The following NDST3 variants were observed in gnomAD, a reference collection of about 807,000 sequenced individuals.
NDST3 encodes bifunctional heparan sulfate N-deacetylase/N-sulfotransferase 3.
NDST3 carries 58 observed loss-of-function variants against 96.1 expected under a neutral mutation model. That is an observed-to-expected ratio of 0.60 (90% CI 0.49 to 0.75). NDST3 has a LOEUF of 0.75. NDST3 is among the 30% of genes least tolerant of loss of function. The probability of loss-of-function intolerance (pLI) is 0.00; values close to 1 mark genes in which losing one functional copy is unlikely to be tolerated. For missense variants in NDST3, 788 were observed against 1,034.2 expected, an observed-to-expected ratio of 0.76 and a Z score of 3.27; for synonymous variants, 333 against 359.7, an observed-to-expected ratio of 0.93 and a Z score of 0.84.
rs958347023 is a variant in NDST3, at chr4:118,257,485, A to G, written c.*1773A>G. On this transcript the variant is annotated 3_prime_UTR_variant, in exon 14 of 14. Transcript: ENST00000296499. ...ACATATACATAAAATTTAAGTAGTA[A>G]ATTAATTCCCTGCTATGATTATAAG... 6.6e-6 allele frequency: 1 copy of G among 152,190 alleles called. No homozygotes were observed. The highest frequency in any genetic ancestry group is 1.5e-5 in the Non-Finnish European group (1 of 68,036). 9.4% of individuals were successfully genotyped at this position (152,190 alleles called of 1,614,324 possible).
intron 6 of NDST3, among the ~76,000 whole-genome samples, chr4:118,156,594 A>C (rs1734727693): frequency 6.6e-6 from 1 of 152,180 alleles, no homozygotes; most frequent in Non-Finnish European, 1.5e-5. Context: ...CCTTGGAAGT[A>C]CCTCACCACA....
Position 118,240,704 on chromosome 4 carries a change from A to C in NDST3, c.2289+10A>C. 6.2e-7 allele frequency: 1 copy of C among 1,610,606 alleles called. No homozygotes were observed. The highest frequency in any genetic ancestry group is 8.5e-7 in the Non-Finnish European group (1 of 1,178,346). On this transcript the variant is annotated intron_variant, in intron 11 of 13. Coordinates refer to ENST00000296499, the MANE Select transcript of NDST3 (RefSeq NM_004784.3). ...TTTCCCCCCATTTCAGGTATGGAGT[A>C]ATAAGGATTTACATCATGTTAGAAT...
In NDST3 at chr4:118,072,283, G is replaced by C. The variant is rs142016810; in HGVS notation, c.981+17392G>C. The stretch of plus-strand genomic sequence containing the variant: ...CTGTGAAGAATGTCATTGATAGTTT[G>C]ATAGAAATAGCACTGAATCTGTAAA... On this transcript the variant is annotated intron_variant, in intron 2 of 13. Transcript: ENST00000296499. Among the ~76,000 whole-genome samples, 72 of 152,092 alleles carry C rather than the reference G, an allele frequency of 4.7e-4. 2 individuals carry two copies. In the East Asian group the frequency reaches 0.013, roughly 27 times the overall value.
intron 2 of NDST3, among the ~76,000 whole-genome samples, chr4:118,089,448 C>T (rs958774726): frequency 2.0e-5 from 3 of 151,964 alleles, no homozygotes; most frequent in South Asian, 2.1e-4. Context: ...TGAAAGCAAA[C>T]GACTATGTGG....
chr4:118,051,628 G>T (rs148249668), intron 1 of NDST3, among the ~76,000 whole-genome samples: 1 of 151,806 alleles, frequency 6.6e-6, no homozygotes, highest in Non-Finnish European at 1.5e-5. Flanking sequence ...GAAGCAATCA[G>T]GCAAGAGAAA....
At chr4:118,072,566 G>T (rs1362130358) in intron 2 of NDST3, among the ~76,000 whole-genome samples, 2 of 152,018 alleles carry the variant, frequency 1.3e-5, no homozygotes, top group Admixed American at 1.3e-4. Context: ...ACTTATTTTT[G>T]TACATTGACT....
In NDST3 at chr4:118,105,070, T is replaced by G. The variant is rs144682254; in HGVS notation, c.1034T>G (p.Phe345Cys). Residue 345 changes from phenylalanine (F) to cysteine (C), a missense_variant, in exon 3 of 14, where the codon TTC (phenylalanine) becomes TGC (cysteine). Around this residue, in one of 3 missense-constraint regions of NDST3, gnomAD observed 490 missense variants for 708.8 expected, o/e 0.69. Coordinates refer to ENST00000296499, the MANE Select transcript of NDST3 (RefSeq NM_004784.3). ...CGTGCACAAATCACAAATTTTACAT[T>G]CAACCTGGGATTTTCAGGGAAATTT... The part of the protein sequence containing the change: ...LLRAQITNFT[F>C]NLGFSGKFYH... 2 of 1,613,376 alleles carry G rather than the reference T, an allele frequency of 1.2e-6. No homozygotes were observed. Among genetic ancestry groups the G allele is most frequent in the Non-Finnish European group, 1.7e-6 (2 of 1,179,656 alleles).
chr4:118,101,912 A>G (rs1729797389), intron 2 of NDST3, among the ~76,000 whole-genome samples: 1 of 152,124 alleles, frequency 6.6e-6, no homozygotes, highest in Non-Finnish European at 1.5e-5. Flanking sequence ...TTCATTACAA[A>G]ATTTGGTTTT....
intron 6 of NDST3, among the ~76,000 whole-genome samples, chr4:118,212,011 G>GTTTC (rs918841166): frequency 1.3e-5 from 2 of 152,052 alleles, no homozygotes; most frequent in Admixed American, 1.3e-4. Flanking sequence ...TGGGACCACT[G>GTTTC]TTTCTTTCCA....
chr4:118,238,839 A>G (rs1005394085), intron 10 of NDST3, among the ~76,000 whole-genome samples: 4 of 152,218 alleles, frequency 2.6e-5, no homozygotes, highest in African/African-American at 9.6e-5. Context: ...GTCGCAGAGA[A>G]GCCCAAATAC....
chr4:118,195,415 C>T (rs1284473171), intron 6 of NDST3, among the ~76,000 whole-genome samples: 1 of 152,196 alleles, frequency 6.6e-6, no homozygotes, highest in East Asian at 1.9e-4. Flanking sequence ...TTCCCCTGTA[C>T]AAGCTCTCTT....
chr4:118,222,017 C>A (rs1739580750), intron 6 of NDST3, among the ~76,000 whole-genome samples: 3 of 150,396 alleles, frequency 2.0e-5, no homozygotes, highest in Admixed American at 2.0e-4. Context: ...AAAAATAAAA[C>A]CTCAGTCCTG....
chr4:118,033,921 A>G (rs1724010039), upstream of NDST3: 1 of 152,032 alleles, frequency 6.6e-6, no homozygotes, highest in South Asian at 2.1e-4. Flanking sequence ...GGTAATCTCC[A>G]TGGAGGACGG....
chr4:118,116,768 G>A (rs1313311286), intron 4 of NDST3, among the ~76,000 whole-genome samples: 1 of 151,952 alleles, frequency 6.6e-6, no homozygotes. Flanking sequence ...TGAGGCAGGA[G>A]AATGGTATGA....
chr4:118,077,029 C>T (rs1727604640), intron 2 of NDST3, among the ~76,000 whole-genome samples: 1 of 152,182 alleles, frequency 6.6e-6, no homozygotes, highest in Non-Finnish European at 1.5e-5. Context: ...TGACTGGCTT[C>T]AATTCTGAAA....
chr4:118,158,502 T>G (rs897391595), intron 6 of NDST3, among the ~76,000 whole-genome samples: 1 of 152,208 alleles, frequency 6.6e-6, no homozygotes, highest in African/African-American at 2.4e-5. Context: ...CAGTGCCAGC[T>G]GATGAATTCA....
intron 12 of NDST3, among the ~76,000 whole-genome samples, chr4:118,247,350 G>A (rs1282936501): frequency 1.3e-5 from 2 of 152,066 alleles, no homozygotes; most frequent in Non-Finnish European, 2.9e-5. Context: ...TCAGGAGTTC[G>A]AGACCAGCTT....
intron 6 of NDST3, among the ~76,000 whole-genome samples, chr4:118,201,438 C>G (rs542444216): frequency 6.6e-5 from 10 of 152,202 alleles, no homozygotes; most frequent in Non-Finnish European, 1.5e-4. Context: ...CACATCTTCA[C>G]CAGCATCTGT....
rs1034921526 is a variant in NDST3, at chr4:118,038,123, G to C, written c.-156+3531G>C. On this transcript the variant is annotated intron_variant, in intron 1 of 13. Coordinates refer to ENST00000296499, the MANE Select transcript of NDST3 (RefSeq NM_004784.3). ...TAATGAAGGACAAAGAAAAGGTTTG[G>C]ATTAGACCCTAAAAGCTGCATTGTC... Among the ~76,000 whole-genome samples the C allele has an allele frequency of 2.9e-4, 44 of 152,086 alleles. 1 individual carries two copies. Among genetic ancestry groups the C allele is most frequent in the African/African-American group, 1.1e-3 (44 of 41,414 alleles).
Sources: allele counts gnomAD v4.1 joint callset (sites outside exome capture counted in the v4.1 genomes callset), GRCh38; gene constraint gnomAD v4.1.1; regional missense constraint gnomAD v4.1.1; transcripts MANE v1.5; gene names NCBI Gene and HGNC (gene_info 2026-07-23, HGNC 2026-07-21).